The following ARFGEF2 variants were observed in gnomAD, a reference collection of about 807,000 sequenced individuals.
The protein encoded by ARFGEF2 is brefeldin A-inhibited guanine nucleotide-exchange protein 2.
Under a neutral mutation model 219.9 loss-of-function variants are expected in ARFGEF2, and 74 were observed. The ratio of observed to expected loss-of-function variants is 0.34; its 90% CI spans 0.28 to 0.41. The LOEUF (loss-of-function observed/expected upper bound fraction) is 0.41, where lower values mean the gene tolerates loss of function less well. ARFGEF2 is among the 10% of genes least tolerant of loss of function. The pLI, the probability that ARFGEF2 is intolerant of heterozygous loss-of-function variation, is 1.00. For synonymous variants in ARFGEF2, 733 were observed against 799.2 expected (o/e 0.92, Z 1.40); for missense variants, 1,743 against 2,218.3 (o/e 0.79, Z 4.30).
At chr20:48,945,828 A>G (rs1199898755) in intron 3 of ARFGEF2, among the ~76,000 whole-genome samples, 1 of 152,136 alleles carries the variant, frequency 6.6e-6, no homozygotes, top group African/African-American at 2.4e-5. Flanking sequence ...GGTGACACCT[A>G]ACTCTAGCCT....
chr20:48,955,471 C>T (rs1280835390), intron 6 of ARFGEF2, among the ~76,000 whole-genome samples: 1 of 152,196 alleles, frequency 6.6e-6, no homozygotes, highest in Admixed American at 6.5e-5. Flanking sequence ...GCCCTGCTCA[C>T]CACCATATTC....
Position 49,026,185 on chromosome 20 carries a change from T to C in ARFGEF2, c.4924+704T>C, listed in dbSNP as rs73130148. ...CCCCATCTCCACCCAAAAAAAAGTA[T>C]ATGAAAATTAGCTGGGCATTGTAGC... On this transcript the variant is annotated intron_variant, in intron 36 of 38. Coordinates refer to ENST00000371917, the MANE Select transcript of ARFGEF2 (RefSeq NM_006420.3). Among the ~76,000 whole-genome samples the C allele has an allele frequency of 2.5e-3, 377 of 151,944 alleles. 3 individuals are homozygous for C. The highest frequency in any genetic ancestry group is 4.8e-3 in the Non-Finnish European group (324 of 67,966).
intron 21 of ARFGEF2, 72 bp from the exon 22 acceptor site, chr20:48,994,379 A>C: frequency 6.3e-7 from 1 of 1,593,958 alleles, no homozygotes; most frequent in Non-Finnish European, 8.6e-7. Flanking sequence ...TTTAATGACT[A>C]ACTTAAGATT....
Position 48,935,825 on chromosome 20 carries a change from C to CCCCCCAACCTCCCT in ARFGEF2, c.122-5370_122-5357dup, listed in dbSNP as rs1388122187. Among the ~76,000 whole-genome samples, 388 of 138,292 alleles carry CCCCCCAACCTCCCT rather than the reference C, an allele frequency of 2.8e-3. 1 individual carries two copies. The highest frequency in any genetic ancestry group is 4.4e-3 in the Non-Finnish European group (279 of 63,236). 90.7% of individuals were successfully genotyped at this position (138,292 alleles called of 152,430 possible). On this transcript the variant is annotated intron_variant, in intron 1 of 38. Transcript: ENST00000371917. ...GGCGGCTGGCCGGGCGGGGGGCTGA[C>CCCCCCAACCTCCCT]CCCCCAACCTCCCTCCCGGACGGGG...
intron 16 of ARFGEF2, among the ~76,000 whole-genome samples, chr20:48,987,006 A>C (rs1358520918): frequency 6.6e-6 from 1 of 152,206 alleles, no homozygotes; most frequent in African/African-American, 2.4e-5. Context: ...CACCTGATTG[A>C]AACATTTTAA....
intron 1 of ARFGEF2, among the ~76,000 whole-genome samples, chr20:48,936,358 C>G (rs1301054645): frequency 6.6e-6 from 1 of 150,388 alleles, no homozygotes; most frequent in Non-Finnish European, 1.5e-5. Context: ...CTGACCCCCC[C>G]ACCTCCCTCC....
intron 7 of ARFGEF2, among the ~76,000 whole-genome samples, chr20:48,965,318 A>G (rs1291405221): frequency 6.6e-6 from 1 of 152,222 alleles, no homozygotes; most frequent in African/African-American, 2.4e-5. Flanking sequence ...TTATAGAACC[A>G]CATTATAAAT....
intron 9 of ARFGEF2, among the ~76,000 whole-genome samples, chr20:48,970,485 C>G (rs957056320): frequency 3.3e-5 from 5 of 151,972 alleles, no homozygotes; most frequent in African/African-American, 1.2e-4. Context: ...TGGCAGGCGC[C>G]TGTAATCCCA....
At chr20:49,023,523 G>GTT (rs11289917) in intron 35 of ARFGEF2, among the ~76,000 whole-genome samples, 4 of 96,996 alleles carry the variant, frequency 4.1e-5, no homozygotes, top group African/African-American at 1.5e-4. Flanking sequence ...TTTTTTTCTG[G>GTT]TTTTTTTTTT....
intron 3 of ARFGEF2, among the ~76,000 whole-genome samples, chr20:48,944,237 G>T (rs572323065): frequency 6.6e-6 from 1 of 152,334 alleles, no homozygotes; most frequent in South Asian, 2.1e-4. Flanking sequence ...GTTCTGAGGA[G>T]ATTTGGCAGA....
chr20:48,924,764 A>G (rs1342661492), intron 1 of ARFGEF2, among the ~76,000 whole-genome samples: 4 of 151,518 alleles, frequency 2.6e-5, no homozygotes, highest in African/African-American at 9.7e-5. Flanking sequence ...GATGTTAGCT[A>G]GGAGTGTATT....
At chr20:48,997,282 A>T (rs1243308862) in intron 23 of ARFGEF2, among the ~76,000 whole-genome samples, 1 of 151,498 alleles carries the variant, frequency 6.6e-6, no homozygotes, top group Admixed American at 6.6e-5. Context: ...TGATTGATTG[A>T]TTGATTGATT....
chr20:48,984,648 A>G lies in ARFGEF2; in HGVS notation c.1959-81A>G. On this transcript the variant is annotated intron_variant, in intron 14 of 38. Transcript: ENST00000371917. ...GATGGCATGTTCATAGTATTCTATT[A>G]TTATTTATCTCAAATACCAGCTTTT... 5 of 1,531,178 alleles carry G rather than the reference A, an allele frequency of 3.3e-6. No individual in the cohort carries two copies. The South Asian group carries it at 5.6e-5, about 17-fold the overall frequency. 94.8% of individuals were successfully genotyped at this position (1,531,178 alleles called of 1,614,324 possible).
intron 11 of ARFGEF2, among the ~76,000 whole-genome samples, 191 bp downstream of exon 11, chr20:48,972,616 C>T (rs1454561828): frequency 6.6e-6 from 1 of 151,530 alleles, no homozygotes; most frequent in Non-Finnish European, 1.5e-5. Flanking sequence ...CCAAGGACTT[C>T]CTGGTTTTAG....
intron 26 of ARFGEF2, among the ~76,000 whole-genome samples, chr20:49,005,710 C>T (rs1017407639): frequency 1.6e-4 from 23 of 143,568 alleles, no homozygotes; most frequent in African/African-American, 5.8e-4. Context: ...TGCACTCCAG[C>T]CTGGGTGAAA....
In ARFGEF2 at chr20:48,989,710, G is replaced by T. The variant is rs2091346551; in HGVS notation, c.2814+26G>T. 3 of 1,613,690 alleles carry T rather than the reference G, an allele frequency of 1.9e-6. No homozygotes were observed. The African/African-American group carries it at 4.0e-5, about 22-fold the overall frequency. On this transcript the variant is annotated intron_variant, in intron 20 of 38. Coordinates refer to ENST00000371917, the MANE Select transcript of ARFGEF2 (RefSeq NM_006420.3). Reference sequence around the variant, plus strand: ...GTAGGTGTAAGTCAGCAACACTCCAGAGATACTGGTGGGTTGTGCTCTTTT... The same window carrying T: ...GTAGGTGTAAGTCAGCAACACTCCATAGATACTGGTGGGTTGTGCTCTTTT...
chr20:48,994,893 A>G (rs769081886), intron 22 of ARFGEF2, among the ~76,000 whole-genome samples: 1 of 152,184 alleles, frequency 6.6e-6, no homozygotes. Flanking sequence ...AGTGCCTGAC[A>G]TTAGAGGGGT....
chr20:48,996,523 G>A (rs553251910), intron 23 of ARFGEF2, among the ~76,000 whole-genome samples: 21 of 151,766 alleles, frequency 1.4e-4, no homozygotes, highest in Middle Eastern at 3.4e-3. Flanking sequence ...TGGATCACAA[G>A]GTCAGGAAAT....
chr20:48,923,637 A>G (rs2090857650), intron 1 of ARFGEF2, among the ~76,000 whole-genome samples: 1 of 152,266 alleles, frequency 6.6e-6, no homozygotes, highest in Non-Finnish European at 1.5e-5. Context: ...TTGTTAGGCA[A>G]GAGCCTGGTA....
Sources: gnomAD v4.1 joint callset for allele counts (sites outside exome capture counted in the v4.1 genomes callset) on GRCh38, gnomAD v4.1.1 for gene constraint, MANE v1.5 for transcripts, NCBI Gene and HGNC (gene_info 2026-07-23, HGNC 2026-07-21) for gene names.